Variants in DCBLD1 observed in about 807,000 individuals in gnomAD.
The protein encoded by DCBLD1 is discoidin, CUB and LCCL domain containing 1.
In DCBLD1, 57 loss-of-function variants were observed where a neutral mutation model predicts 71.5. That is an observed-to-expected ratio of 0.80 (90% CI 0.64 to 0.99). The LOEUF is 0.99. DCBLD1 is among the 50% of genes least tolerant of loss of function. DCBLD1 has a pLI of 0.00. For synonymous variants in DCBLD1, 380 were observed against 363.8 expected (o/e 1.04, Z -0.51); for missense variants, 891 against 923.5 (o/e 0.96, Z 0.46).
intron 1 of DCBLD1, among the ~76,000 whole-genome samples, chr6:117,485,872 A>G (rs1562423876): frequency 1.3e-5 from 2 of 152,258 alleles, no homozygotes; most frequent in Non-Finnish European, 2.9e-5. Flanking sequence ...AAATGAAAAT[A>G]CAGCAGAAAG....
chr6:117,563,206 A>G lies in DCBLD1; in HGVS notation c.1616-6414A>G, dbSNP rs767822328. Reference sequence around the variant, plus strand: ...TTGTCACCATCTTCCCCAGTGCCCCAAATTCAGAATAGTCTGATTAACAAT... The same window carrying G: ...TTGTCACCATCTTCCCCAGTGCCCCGAATTCAGAATAGTCTGATTAACAAT... On this transcript the variant is annotated intron_variant, in intron 14 of 14. Transcript: ENST00000296955. 1.0e-4 allele frequency: 160 copies of G among 1,572,822 alleles called. 1 individual carries two copies. In the Admixed American group the frequency reaches 2.7e-3, roughly 27 times the overall value.
chr6:117,492,399 A>G (rs1777324130), intron 1 of DCBLD1, among the ~76,000 whole-genome samples: 1 of 152,234 alleles, frequency 6.6e-6, no homozygotes, highest in African/African-American at 2.4e-5. Flanking sequence ...CCAGGCACGT[A>G]TCTTACAATT....
At chr6:117,488,232 A>C (rs552465502) in intron 1 of DCBLD1, among the ~76,000 whole-genome samples, 2 of 152,356 alleles carry the variant, frequency 1.3e-5, no homozygotes, top group East Asian at 1.9e-4. Context: ...GAGTCAGCGC[A>C]TGAATGCTGT....
At chr6:117,534,068 C>A (rs948698691) in intron 6 of DCBLD1, among the ~76,000 whole-genome samples, 1 of 152,202 alleles carries the variant, frequency 6.6e-6, no homozygotes. Context: ...CCATAACCCT[C>A]CCATTTACTT....
chr6:117,507,032 A>C (rs1191798341), intron 2 of DCBLD1, among the ~76,000 whole-genome samples: 1 of 152,238 alleles, frequency 6.6e-6, no homozygotes, highest in Non-Finnish European at 1.5e-5. Context: ...ACTTAAAACT[A>C]TCAGAATTTG....
chr6:117,511,181 G>A (rs970614700), intron 2 of DCBLD1, among the ~76,000 whole-genome samples: 1 of 152,206 alleles, frequency 6.6e-6, no homozygotes, highest in African/African-American at 2.4e-5. Flanking sequence ...CTGAGGTGTA[G>A]TTCTTGTTCG....
chr6:117,534,862 T>C (rs1321052368), intron 6 of DCBLD1, among the ~76,000 whole-genome samples: 2 of 152,066 alleles, frequency 1.3e-5, no homozygotes, highest in East Asian at 3.8e-4. Flanking sequence ...GAAAGGGTTT[T>C]GCTTCATATT....
intron 6 of DCBLD1, among the ~76,000 whole-genome samples, chr6:117,536,064 T>A (rs981451187): frequency 3.9e-5 from 6 of 152,046 alleles, no homozygotes; most frequent in Non-Finnish European, 8.8e-5. Flanking sequence ...TTCTAGAGAG[T>A]TTTACTACCC....
intron 1 of DCBLD1, among the ~76,000 whole-genome samples, chr6:117,499,505 C>T (rs1777582304): frequency 6.6e-6 from 1 of 152,086 alleles, no homozygotes; most frequent in Non-Finnish European, 1.5e-5. Flanking sequence ...CTCCTCACTT[C>T]CATCCCCAGC....
chr6:117,537,087 C>A, intron 6 of DCBLD1, 98 bp from the exon 7 acceptor site: 1 of 1,170,100 alleles, frequency 8.5e-7, no homozygotes, highest in Non-Finnish European at 1.3e-6. Context: ...TAAGGAAGCA[C>A]AGGTGGGAAA....
At position 117,508,538 on chromosome 6, in the gene DCBLD1, T is replaced by C. The variant is rs372876723; in HGVS notation, c.325+4559T>C. On this transcript the variant is annotated intron_variant, in intron 2 of 14. Coordinates refer to ENST00000338728, the MANE Select transcript of DCBLD1 (RefSeq NM_001366458.2). ...TGCATTCATACTAAAGATACTACTC[T>C]TAACTTTACAGCTCTTTAGTGACCA... Among the ~76,000 whole-genome samples the C allele has an allele frequency of 3.9e-5, 6 of 152,222 alleles. No homozygotes were observed. In the East Asian group the frequency reaches 9.6e-4, roughly 24 times the overall value.
chr6:117,514,050 C>T (rs1001841110), intron 2 of DCBLD1, among the ~76,000 whole-genome samples: 1 of 152,106 alleles, frequency 6.6e-6, no homozygotes, highest in East Asian at 1.9e-4. Context: ...AGGGTCTTTC[C>T]GTGGTTTCCC....
At chr6:117,564,044 T>C (rs1182464138) in intron 14 of DCBLD1, among the ~76,000 whole-genome samples, 1 of 151,738 alleles carries the variant, frequency 6.6e-6, no homozygotes, top group Non-Finnish European at 1.5e-5. Context: ...GTGGCATGAT[T>C]ACGGCTCACT....
In DCBLD1 at chr6:117,548,613, T is replaced by C. The variant is rs1583037991; in HGVS notation, c.*174T>C. 1.4e-6 allele frequency: 2 copies of C among 1,434,752 alleles called. No individual in the cohort carries two copies. Among genetic ancestry groups the C allele is most frequent in the East Asian group, 2.5e-5 (1 of 39,852 alleles). 88.9% of individuals were successfully genotyped at this position (1,434,752 alleles called of 1,614,324 possible). On this transcript the variant is annotated 3_prime_UTR_variant, in exon 15 of 15. Transcript: ENST00000338728. ...ACAACCTGTCATACTGTTTACAAAA[T>C]TGTGCAGCTGGTTTCGTGCTGACCC...
chr6:117,525,336 TA>T, intron 4 of DCBLD1, 25 bp from the exon 5 acceptor site: 1 of 1,437,906 alleles, frequency 7.0e-7, no homozygotes, highest in Non-Finnish European at 9.1e-7. Flanking sequence ...TAATAAAATA[TA>T]AATTATTTAT....
Position 117,549,497 on chromosome 6 carries a change from T to C in DCBLD1, c.*1058T>C. 2 of 985,366 alleles carry C rather than the reference T, an allele frequency of 2.0e-6. No homozygotes were observed. The highest frequency in any genetic ancestry group is 2.4e-6 in the Non-Finnish European group (2 of 829,924). The allele number at this position is 985,366 out of a possible 1,614,324, so 61.0% of individuals were successfully genotyped here. A position where few individuals can be genotyped will look rare whatever the true frequency, so the allele number is the denominator to read the frequency against. On this transcript the variant is annotated 3_prime_UTR_variant, in exon 15 of 15. Transcript: ENST00000338728. ...CAGCTGTACCTCATGCTCAGTAGTT[T>C]TTATTTGAGTTTCTTTTGTGAGTTA...
At chr6:117,551,891 G>A (rs1779433498), downstream of DCBLD1, among the ~76,000 whole-genome samples, 1 of 152,164 alleles carries the variant, frequency 6.6e-6, no homozygotes, top group African/African-American at 2.4e-5. Flanking sequence ...TTAAGAGTCT[G>A]AGGCAGGTTG....
At chr6:117,502,848 G>A (rs563086051) in intron 1 of DCBLD1, among the ~76,000 whole-genome samples, 13 of 152,326 alleles carry the variant, frequency 8.5e-5, no homozygotes, top group African/African-American at 2.9e-4. Context: ...GGATAGTTGT[G>A]TGATTGACTA....
Sources: gnomAD v4.1 joint callset for allele counts (sites outside exome capture counted in the v4.1 genomes callset) on GRCh38, gnomAD v4.1.1 for gene constraint, MANE v1.5 for transcripts, NCBI Gene and HGNC (gene_info 2026-07-23, HGNC 2026-07-21) for gene names.